The following LRGUK variants were observed in gnomAD, a reference collection of about 807,000 sequenced individuals.
LRGUK encodes the protein leucine rich repeats and guanylate kinase domain containing.
Under a neutral mutation model 76.0 loss-of-function variants are expected in LRGUK, and 65 were observed. The observed-to-expected ratio is 0.85, with a 90% CI of 0.70 to 1.05. The LOEUF (loss-of-function observed/expected upper bound fraction) is 1.05. Among genes scored for constraint, LRGUK ranks in the 50% least tolerant of loss-of-function variants. The pLI is 0.00. For missense variants in LRGUK, 758 were observed against 732.8 expected, an observed-to-expected ratio of 1.03 and a Z score of -0.40; for synonymous variants, 268 against 265.6, an observed-to-expected ratio of 1.01 and a Z score of -0.09.
intron 5 of LRGUK, among the ~76,000 whole-genome samples, chr7:134,150,752 C>T (rs1360431230): frequency 2.0e-5 from 3 of 152,064 alleles, no homozygotes; most frequent in Non-Finnish European, 4.4e-5. Context: ...TTTCTATATA[C>T]ATTTAGCTTT....
At chr7:134,276,226 C>T in the LRGUK span, among the ~76,000 whole-genome samples, 2 of 152,128 alleles carry the variant, frequency 1.3e-5, no homozygotes, top group African/African-American at 2.4e-5. Flanking sequence ...CATATAATGT[C>T]GACTATAGAA....
intron 16 of LRGUK, among the ~76,000 whole-genome samples, chr7:134,223,757 AC>A (rs1398175027): frequency 6.6e-6 from 1 of 152,012 alleles, no homozygotes; most frequent in African/African-American, 2.4e-5. Context: ...TCCATATCCT[AC>A]TTTTTCCTAC....
At chr7:134,231,899 C>T (rs1563193717) in intron 16 of LRGUK, among the ~76,000 whole-genome samples, 1 of 150,804 alleles carries the variant, frequency 6.6e-6, no homozygotes, top group Non-Finnish European at 1.5e-5. Context: ...TTCCTCCCTG[C>T]TTCCTTCCCT....
chr7:134,159,336 C>CAA (rs35701399), intron 6 of LRGUK, among the ~76,000 whole-genome samples: 66 of 81,494 alleles, frequency 8.1e-4, no homozygotes, highest in African/African-American at 2.3e-3. Flanking sequence ...GACCCTGCCT[C>CAA]AAAAAAAAAA....
At chr7:134,276,682 C>T in the LRGUK span, among the ~76,000 whole-genome samples, 3 of 151,802 alleles carry the variant, frequency 2.0e-5, no homozygotes, top group Admixed American at 2.0e-4. Flanking sequence ...TATCTCTAAA[C>T]TCAGGGCACA....
chr7:134,217,157 T>TTC (rs1385928160), intron 15 of LRGUK, among the ~76,000 whole-genome samples: 2 of 151,532 alleles, frequency 1.3e-5, no homozygotes, highest in Non-Finnish European at 2.9e-5. Flanking sequence ...CTCATCCTTT[T>TTC]TTTTTTTTTT....
chr7:134,140,695 CT>C (rs1421903547), intron 3 of LRGUK, among the ~76,000 whole-genome samples: 1 of 151,952 alleles, frequency 6.6e-6, no homozygotes, highest in African/African-American at 2.4e-5. Context: ...TTTTTTTCCC[CT>C]TCTAGGACCC....
chr7:134,252,580 A>T (rs897789909), intron 18 of LRGUK, among the ~76,000 whole-genome samples: 2 of 152,028 alleles, frequency 1.3e-5, no homozygotes, highest in Admixed American at 1.3e-4. Flanking sequence ...ATCCCAGAAT[A>T]CCTCTATCTG....
At chr7:134,175,395 C>T (rs1333370653) in intron 8 of LRGUK, among the ~76,000 whole-genome samples, 1 of 152,006 alleles carries the variant, frequency 6.6e-6, no homozygotes, top group East Asian at 1.9e-4. Flanking sequence ...ACAGAAAATA[C>T]AAGAAAGATT....
intron 6 of LRGUK, among the ~76,000 whole-genome samples, chr7:134,162,304 T>TC (rs1488938232): frequency 6.6e-6 from 1 of 152,136 alleles, no homozygotes; most frequent in Non-Finnish European, 1.5e-5. Context: ...GCAAGGTTTT[T>TC]CTCTCTATTT....
At chr7:134,190,929 A>T (rs1227236862) in intron 11 of LRGUK, among the ~76,000 whole-genome samples, 2 of 150,856 alleles carry the variant, frequency 1.3e-5, no homozygotes, top group Admixed American at 6.6e-5. Flanking sequence ...TTCTGGGGAT[A>T]GACAGTAGTT....
At chr7:134,245,399 T>G (rs1411160378) in intron 16 of LRGUK, among the ~76,000 whole-genome samples, 2 of 152,120 alleles carry the variant, frequency 1.3e-5, no homozygotes, top group East Asian at 3.9e-4. Context: ...TCCTTCAGCT[T>G]CCTTCTGCAT....
At chr7:134,263,623 C>CTTTTT (rs59840547) in intron 19 of LRGUK, among the ~76,000 whole-genome samples, 100 of 113,934 alleles carry the variant, frequency 8.8e-4, no homozygotes, top group African/African-American at 1.7e-3. Context: ...TCATTTCTTT[C>CTTTTT]TTTTTTTTTT....
intron 1 of LRGUK, among the ~76,000 whole-genome samples, 160 bp downstream of exon 1, chr7:134,127,824 T>A (rs946502768): frequency 1.3e-5 from 2 of 151,766 alleles, no homozygotes; most frequent in African/African-American, 4.8e-5. Context: ...TCTTCCCCTG[T>A]CTTTTACCCC....
intron 2 of LRGUK, among the ~76,000 whole-genome samples, chr7:134,137,855 GA>G (rs553547488): frequency 1.1e-4 from 17 of 148,236 alleles, no homozygotes; most frequent in East Asian, 9.9e-4. Flanking sequence ...GTACATATGA[GA>G]AAAAAAAAAC....
intron 7 of LRGUK, among the ~76,000 whole-genome samples, chr7:134,167,959 T>A (rs548884089): frequency 6.6e-6 from 1 of 152,328 alleles, no homozygotes; most frequent in Non-Finnish European, 1.5e-5. Context: ...TTCACATCTG[T>A]TACAGTTCAC....
At chr7:134,271,890 C>T in the LRGUK span, among the ~76,000 whole-genome samples, 1 of 151,922 alleles carries the variant, frequency 6.6e-6, no homozygotes, top group African/African-American at 2.4e-5. Flanking sequence ...TACAAATAAC[C>T]CTGTGTATTA....
At chr7:134,263,403 C>CTGTGTGTGTGTGTGTGTGTGTG (rs6150361) in intron 19 of LRGUK, among the ~76,000 whole-genome samples, 1 of 142,178 alleles carries the variant, frequency 7.0e-6, no homozygotes, top group Non-Finnish European at 1.5e-5. Flanking sequence ...CTTCACTTCA[C>CTGTGTGTGTGTGTGTGTGTGTG]TGTGTGTGTG....
intron 11 of LRGUK, among the ~76,000 whole-genome samples, chr7:134,190,928 T>C (rs1275812139): frequency 6.6e-6 from 1 of 150,686 alleles, no homozygotes; most frequent in Non-Finnish European, 1.5e-5. Context: ...GTTCTGGGGA[T>C]AGACAGTAGT....
Sources: gnomAD v4.1 joint callset for allele counts (sites outside exome capture counted in the v4.1 genomes callset) on GRCh38, gnomAD v4.1.1 for gene constraint, MANE v1.5 for transcripts, NCBI Gene and HGNC (gene_info 2026-07-23, HGNC 2026-07-21) for gene names.